Variants in ANKRD13C observed in about 807,000 individuals in gnomAD.
ANKRD13C encodes ankyrin repeat domain-containing protein 13C.
In ANKRD13C, 16 loss-of-function variants were observed where a neutral mutation model predicts 65.5. The observed-to-expected ratio is 0.24, with a 90% CI of 0.17 to 0.37. The LOEUF (loss-of-function observed/expected upper bound fraction) is 0.37. Among genes scored for constraint, ANKRD13C ranks in the 10% least tolerant of loss-of-function variants. The pLI is 1.00. For synonymous variants in ANKRD13C, 235 were observed against 238.7 expected (o/e 0.98, Z 0.14); for missense variants, 503 against 655.9 (o/e 0.77, Z 2.55).
At chr1:70,346,749 T>A (rs1164191333) in intron 1 of ANKRD13C, among the ~76,000 whole-genome samples, 1 of 152,180 alleles carries the variant, frequency 6.6e-6, no homozygotes, top group Non-Finnish European at 1.5e-5. Flanking sequence ...ATAGTAGCTT[T>A]TTATACTGAC....
At chr1:70,333,333 A>C (rs1463057826) in intron 2 of ANKRD13C, among the ~76,000 whole-genome samples, 1 of 152,068 alleles carries the variant, frequency 6.6e-6, no homozygotes, top group Non-Finnish European at 1.5e-5. Context: ...TGAAAAAAAA[A>C]AGCGCAAGTT....
chr1:70,266,689 T>C (rs924015774), intron 12 of ANKRD13C, among the ~76,000 whole-genome samples: 3 of 152,222 alleles, frequency 2.0e-5, no homozygotes, highest in Non-Finnish European at 4.4e-5. Flanking sequence ...GACTTCCCTT[T>C]GACATATAGA....
chr1:70,273,119 T>G (rs1335142479), intron 11 of ANKRD13C, among the ~76,000 whole-genome samples: 3 of 152,186 alleles, frequency 2.0e-5, no homozygotes, highest in African/African-American at 7.2e-5. Context: ...CCACATTTTC[T>G]GAGACTTATC....
At chr1:70,282,211 C>T (rs776473756) in intron 9 of ANKRD13C, among the ~76,000 whole-genome samples, 19 of 151,486 alleles carry the variant, frequency 1.3e-4, no homozygotes, top group Non-Finnish European at 2.1e-4. Context: ...TCCACCACCA[C>T]GCCCGGCTAA....
chr1:70,291,264 G>A (rs530021370), intron 9 of ANKRD13C, among the ~76,000 whole-genome samples: 82 of 149,628 alleles, frequency 5.5e-4, no homozygotes, highest in Non-Finnish European at 1.0e-3. Flanking sequence ...CAGGTGATCC[G>A]CCCACCTTGG....
intron 1 of ANKRD13C, among the ~76,000 whole-genome samples, chr1:70,353,116 TA>T (rs1682819017): frequency 6.6e-6 from 1 of 152,226 alleles, no homozygotes; most frequent in Non-Finnish European, 1.5e-5. Context: ...CTACCCAGTT[TA>T]AAACGGCTAT....
At chr1:70,344,050 C>T (rs1682423162) in intron 1 of ANKRD13C, among the ~76,000 whole-genome samples, 1 of 152,054 alleles carries the variant, frequency 6.6e-6, no homozygotes, top group African/African-American at 2.4e-5. Flanking sequence ...ATAATTCCAG[C>T]ACTTTCAGAG....
chr1:70,302,095 A>T (rs1273102149), intron 6 of ANKRD13C, among the ~76,000 whole-genome samples: 1 of 152,240 alleles, frequency 6.6e-6, no homozygotes, highest in Admixed American at 6.5e-5. Context: ...TAGACAGGAA[A>T]AACAGAAATA....
intron 2 of ANKRD13C, among the ~76,000 whole-genome samples, chr1:70,335,451 T>C (rs1163889371): frequency 6.6e-6 from 1 of 150,526 alleles, no homozygotes; most frequent in African/African-American, 2.4e-5. Context: ...ATTTAAAATA[T>C]AAAAATCTAG....
chr1:70,264,974 C>T (rs1678549497), intron 12 of ANKRD13C, among the ~76,000 whole-genome samples: 1 of 152,102 alleles, frequency 6.6e-6, no homozygotes, highest in African/African-American at 2.4e-5. Flanking sequence ...TACAAAAGCC[C>T]TCAAAGGAAG....
At chr1:70,299,654 A>G (rs897549109) in intron 7 of ANKRD13C, among the ~76,000 whole-genome samples, 23 of 152,192 alleles carry the variant, frequency 1.5e-4, no homozygotes, top group African/African-American at 5.5e-4. Context: ...ATCAAAAATA[A>G]CTCCTAGGTT....
chr1:70,352,399 G>C (rs1283046974), intron 1 of ANKRD13C, among the ~76,000 whole-genome samples: 2 of 149,466 alleles, frequency 1.3e-5, no homozygotes, highest in African/African-American at 4.9e-5. Flanking sequence ...GAGTTTAAGA[G>C]TATACAGGAT....
At chr1:70,337,146 AACACACACACACAC>A (rs58715407) in intron 1 of ANKRD13C, among the ~76,000 whole-genome samples, 4 of 145,348 alleles carry the variant, frequency 2.8e-5, no homozygotes, top group African/African-American at 5.1e-5. Flanking sequence ...CCATGATTCA[AACACACACACACAC>A]ACACACACAC....
At position 70,354,239 on chromosome 1, in the gene ANKRD13C, T is replaced by C; in HGVS notation, c.170A>G (p.His57Arg). 6.2e-7 allele frequency: 1 copy of C among 1,613,582 alleles called. No homozygotes were observed. Among genetic ancestry groups the C allele is most frequent in the Non-Finnish European group, 8.5e-7 (1 of 1,180,018 alleles). ...GKACHKIFSN[H>R]HHRLQLKAAP... Reference sequence around the variant, plus strand: ...TGCCTTCAGCTGTAGCCGGTGGTGATGGTTACTGAAGATCTTATGACAAGC... The same window carrying C: ...TGCCTTCAGCTGTAGCCGGTGGTGACGGTTACTGAAGATCTTATGACAAGC... The change falls in exon 1 of 13, where the codon CAT becomes CGT. Residue 57 changes from histidine to arginine, a missense_variant. His to Arg is a conservative substitution (Grantham distance 29). Coordinates refer to ENST00000370944, the MANE Select transcript of ANKRD13C (RefSeq NM_030816.5).
chr1:70,318,679 GTTTTT>G (rs11337993), intron 3 of ANKRD13C, among the ~76,000 whole-genome samples: 1 of 94,210 alleles, frequency 1.1e-5, no homozygotes, highest in Non-Finnish European at 2.0e-5. Context: ...ATCAATCTTT[GTTTTT>G]TTTTTTTTTT....
chr1:70,321,076 T>C (rs752711291), intron 3 of ANKRD13C, among the ~76,000 whole-genome samples: 1 of 152,230 alleles, frequency 6.6e-6, no homozygotes, highest in Non-Finnish European at 1.5e-5. Context: ...TAAAGAAAAA[T>C]TTTGATTCTT....
chr1:70,278,635 GAAT>G (rs1679249031), intron 9 of ANKRD13C, among the ~76,000 whole-genome samples: 1 of 152,088 alleles, frequency 6.6e-6, no homozygotes, highest in Non-Finnish European at 1.5e-5. Context: ...AGACTAATAT[GAAT>G]AATAAGATGT....
chr1:70,269,729 CA>C (rs57521346), intron 12 of ANKRD13C, among the ~76,000 whole-genome samples: 3,689 of 82,230 alleles, frequency 0.045, 101 homozygotes, highest in African/African-American at 0.12. Flanking sequence ...AGTCATTTTT[CA>C]AAAAAAAAAA....
At chr1:70,315,329 T>G in intron 4 of ANKRD13C, 152 bp downstream of exon 4, 1 of 553,484 alleles carries the variant, frequency 1.8e-6, no homozygotes, top group Admixed American at 3.0e-5. Flanking sequence ...AAGATCACAT[T>G]CATACACTAA....
Sources: gnomAD v4.1 joint callset for allele counts (sites outside exome capture counted in the v4.1 genomes callset) on GRCh38, gnomAD v4.1.1 for gene constraint, MANE v1.5 for transcripts, NCBI Gene and HGNC (gene_info 2026-07-23, HGNC 2026-07-21) for gene names.